TMEM232: variants seen among roughly 807,000 people sequenced by gnomAD.
The protein encoded by TMEM232 is transmembrane protein 232.
TMEM232 carries 80 observed loss-of-function variants against 78.8 expected under a neutral mutation model. The ratio of observed to expected loss-of-function variants is 1.01; its 90% CI spans 0.85 to 1.22. The LOEUF is 1.22. Ranked by LOEUF, TMEM232 falls within the 50% of genes most tolerant of loss-of-function variation. TMEM232 has a pLI of 0.00. For missense variants in TMEM232, 881 were observed against 742.2 expected (o/e 1.19, Z -2.17); for synonymous variants, 297 against 254.3 (o/e 1.17, Z -1.60).
At chr5:110,593,244 G>C (rs1779745802) in intron 10 of TMEM232, among the ~76,000 whole-genome samples, 1 of 152,126 alleles carries the variant, frequency 6.6e-6, no homozygotes, top group African/African-American at 2.4e-5. Context: ...ATTTGAGCTA[G>C]GAAGATTTTG....
At chr5:110,700,354 A>G (rs1364798689) in intron 1 of TMEM232, among the ~76,000 whole-genome samples, 1 of 152,066 alleles carries the variant, frequency 6.6e-6, no homozygotes, top group African/African-American at 2.4e-5. Flanking sequence ...GCAATTGGCC[A>G]ATGTGGTCAA....
chr5:110,497,332 T>C (rs1765753084), intron 12 of TMEM232, among the ~76,000 whole-genome samples: 1 of 152,034 alleles, frequency 6.6e-6, no homozygotes, highest in African/African-American at 2.4e-5. Context: ...AGATGAACAA[T>C]GAGGACTAGA....
intron 12 of TMEM232, among the ~76,000 whole-genome samples, chr5:110,497,568 A>T (rs1256008716): frequency 6.6e-6 from 1 of 152,118 alleles, no homozygotes; most frequent in Non-Finnish European, 1.5e-5. Context: ...TTCACACAAA[A>T]ATCCATATTT....
rs1007936651 is a variant in TMEM232 at position 110,531,101 on chromosome 5, G to C, written c.1456-2266C>G. ...TTATCTTGTGAAATTCCTTCTCCTGGCTCATCCTGGCTCAAAAGCTCCCCT... is the reference window on the plus strand; with the variant it reads ...TTATCTTGTGAAATTCCTTCTCCTGCCTCATCCTGGCTCAAAAGCTCCCCT... On this transcript the variant is annotated intron_variant, in intron 11 of 13. Transcript: ENST00000455884. Among the ~76,000 whole-genome samples the C allele has an allele frequency of 3.3e-5, 5 of 151,854 alleles. No homozygotes were observed. In the East Asian group the frequency reaches 7.7e-4, roughly 24 times the overall value.
chr5:110,645,736 A>T (rs1403361405), intron 2 of TMEM232, among the ~76,000 whole-genome samples: 1 of 151,646 alleles, frequency 6.6e-6, no homozygotes, highest in Non-Finnish European at 1.5e-5. Flanking sequence ...AGTAAGTAAG[A>T]ATAAATAAAT....
intron 2 of TMEM232, among the ~76,000 whole-genome samples, chr5:110,656,547 A>G (rs1392914181): frequency 6.6e-6 from 1 of 152,208 alleles, no homozygotes; most frequent in Non-Finnish European, 1.5e-5. Flanking sequence ...CTAAATACAA[A>G]AAGAAAGTCA....
intron 2 of TMEM232, among the ~76,000 whole-genome samples, chr5:110,660,195 T>C (rs1355684036): frequency 2.6e-5 from 4 of 151,896 alleles, no homozygotes; most frequent in Non-Finnish European, 5.9e-5. Flanking sequence ...GAAGCCAAAA[T>C]AATCTTAAAT....
At chr5:110,627,278 A>T (rs2149946539) in intron 6 of TMEM232, among the ~76,000 whole-genome samples, 1 of 152,156 alleles carries the variant, frequency 6.6e-6, no homozygotes, top group East Asian at 1.9e-4. Context: ...CTTTCCTGAA[A>T]TTCAGGGAGG....
At chr5:110,509,540 C>T (rs898390369) in intron 12 of TMEM232, among the ~76,000 whole-genome samples, 9 of 152,034 alleles carry the variant, frequency 5.9e-5, no homozygotes, top group East Asian at 3.9e-4. Flanking sequence ...TCTGCCTTCA[C>T]GATTTCTTGG....
At chr5:110,738,919 A>G (rs2150403353), upstream of TMEM232, 1 of 1,382,422 alleles carries the variant, frequency 7.2e-7, no homozygotes, top group Middle Eastern at 2.6e-4. Flanking sequence ...GCGTCTCCCT[A>G]GCAACCGTGC....
rs548355631 is a variant in TMEM232, at chr5:110,559,413, A to C, written c.1455+9034T>G. On this transcript the variant is annotated intron_variant, in intron 11 of 13. Transcript: ENST00000455884. ...TTAACAGCATGAAAAGCAACTAAAA[A>C]GTAGAAGAAAATATTTTAAAACCAA... is the stretch of plus-strand genomic sequence containing the variant. Among the ~76,000 whole-genome samples, 463 of 152,280 alleles carry C rather than the reference A, an allele frequency of 3.0e-3. 3 individuals carry two copies. Among genetic ancestry groups the C allele is most frequent in the African/African-American group, 0.011 (440 of 41,576 alleles).
intron 8 of TMEM232, among the ~76,000 whole-genome samples, chr5:110,612,425 A>C (rs1480607726): frequency 6.6e-6 from 1 of 152,150 alleles, no homozygotes; most frequent in African/African-American, 2.4e-5. Flanking sequence ...AAACAACGAA[A>C]ACCTACATTG....
chr5:110,518,948 A>C (rs916820595), intron 12 of TMEM232, among the ~76,000 whole-genome samples: 3 of 152,114 alleles, frequency 2.0e-5, no homozygotes, highest in Admixed American at 6.5e-5. Flanking sequence ...GAAAAAAAAA[A>C]CACATAAAAT....
intron 12 of TMEM232, among the ~76,000 whole-genome samples, chr5:110,451,647 T>C (rs1486999595): frequency 6.6e-6 from 1 of 152,118 alleles, no homozygotes; most frequent in African/African-American, 2.4e-5. Context: ...CAAAACCTAT[T>C]TTCCCCTTAA....
intron 10 of TMEM232, among the ~76,000 whole-genome samples, chr5:110,576,019 C>T (rs530817324): frequency 2.6e-5 from 4 of 152,102 alleles, no homozygotes; most frequent in African/African-American, 9.6e-5. Context: ...CAGGGGGCCG[C>T]GCAGTGATGG....
At chr5:110,721,770 T>C (rs1251493025) in intron 1 of TMEM232, among the ~76,000 whole-genome samples, 2 of 148,364 alleles carry the variant, frequency 1.3e-5, no homozygotes, top group African/African-American at 4.9e-5. Context: ...ACCTGTTTTG[T>C]ATATTAGACA....
At chr5:110,625,160 C>A (rs1159315318) in intron 7 of TMEM232, 107 bp downstream of exon 7, 3 of 1,210,892 alleles carry the variant, frequency 2.5e-6, no homozygotes, top group Non-Finnish European at 3.3e-6. Context: ...CAGCTAAACT[C>A]ATCATTCCTC....
At chr5:110,395,772 A>G (rs1307433151) in intron 3 of TMEM232, among the ~76,000 whole-genome samples, 9 of 152,124 alleles carry the variant, frequency 5.9e-5, no homozygotes, top group African/African-American at 1.9e-4. Flanking sequence ...TTATGACTAG[A>G]TCTGGCCAAT....
chr5:110,454,521 A>T (rs1442508681), intron 12 of TMEM232, among the ~76,000 whole-genome samples: 1 of 152,220 alleles, frequency 6.6e-6, no homozygotes, highest in East Asian at 1.9e-4. Context: ...TAACAGAAAG[A>T]TATATGGAAA....
Sources: gnomAD v4.1 joint callset for allele counts (sites outside exome capture counted in the v4.1 genomes callset) on GRCh38, gnomAD v4.1.1 for gene constraint, MANE v1.5 for transcripts, NCBI Gene and HGNC (gene_info 2026-07-23, HGNC 2026-07-21) for gene names.